The following TXNRD3 variants were observed in gnomAD, a reference collection of about 807,000 sequenced individuals.
TXNRD3 encodes the protein thioredoxin reductase 3, also known as TXNRD3 neighbor gene protein.
A neutral mutation model predicts 78.2 loss-of-function variants in TXNRD3; 68 were observed. The observed-to-expected ratio is 0.87, with a 90% confidence interval of 0.72 to 1.06. TXNRD3 has a LOEUF of 1.06. Among genes scored for constraint, TXNRD3 ranks in the 50% least tolerant of loss-of-function variants. The pLI is 0.00. For synonymous variants in TXNRD3, 296 were observed against 300.1 expected (o/e 0.99, Z 0.14); for missense variants, 751 against 809.5 (o/e 0.93, Z 0.88).
At chr3:126,631,597 C>T (rs1368470656) in intron 8 of TXNRD3, among the ~76,000 whole-genome samples, 167 bp downstream of exon 8, 1 of 151,098 alleles carries the variant, frequency 6.6e-6, no homozygotes, top group Non-Finnish European at 1.5e-5. Context: ...TTTACCTGAC[C>T]TTATATTCTC....
At chr3:126,608,671 G>A in intron 14 of TXNRD3, 38 bp from the exon 15 acceptor site, 3 of 1,522,850 alleles carry the variant, frequency 2.0e-6, no homozygotes, top group Non-Finnish European at 1.8e-6. Flanking sequence ...ATCCCAGTAG[G>A]TTAATGGTCT....
At chr3:126,635,313 C>T (rs538223919) in intron 6 of TXNRD3, among the ~76,000 whole-genome samples, 37 of 152,262 alleles carry the variant, frequency 2.4e-4, no homozygotes, top group Non-Finnish European at 3.8e-4. Flanking sequence ...TAATGGGAAT[C>T]ATGTGGACCT....
At chr3:126,644,454 T>C (rs963398313) in intron 3 of TXNRD3, 53 bp from the exon 4 acceptor site, 1 of 1,251,924 alleles carries the variant, frequency 8.0e-7, no homozygotes, top group Non-Finnish European at 1.1e-6. Flanking sequence ...GTTTTACAGC[T>C]ATTTATGTAC....
intron 12 of TXNRD3, among the ~76,000 whole-genome samples, chr3:126,620,337 G>A (rs1938421998): frequency 6.7e-6 from 1 of 150,124 alleles, no homozygotes; most frequent in South Asian, 2.1e-4. Context: ...ACACTCTTAA[G>A]GAACAACTGG....
At chr3:126,617,587 C>T (rs1938346302) in intron 12 of TXNRD3, among the ~76,000 whole-genome samples, 1 of 152,198 alleles carries the variant, frequency 6.6e-6, no homozygotes, top group Admixed American at 6.5e-5. Context: ...GCAAAAACAA[C>T]TGGAGAAATT....
intron 5 of TXNRD3, among the ~76,000 whole-genome samples, chr3:126,643,185 C>T (rs1332871327): frequency 6.6e-6 from 1 of 152,180 alleles, no homozygotes; most frequent in South Asian, 2.1e-4. Flanking sequence ...CCCCTTACCC[C>T]AAAGTGGCCA....
chr3:126,611,097 T>C lies in TXNRD3; in HGVS notation c.1668A>G (p.Thr556=). The change falls in exon 14 of 16, where the codon ACA becomes ACG. Residue 556 remains threonine (T), a synonymous_variant. Transcript: ENST00000524230. ...AAGTGTTGTTCTCTCTGCCAGCTACTGTCCATTCAAGAGGCCAGAACAAAG... is the reference window on the plus strand; with the variant it reads ...AAGTGTTGTTCTCTCTGCCAGCTACCGTCCATTCAAGAGGCCAGAACAAAG... 1 of 1,528,648 alleles carries C rather than the reference T, an allele frequency of 6.5e-7. No homozygotes were observed. The allele number at this position is 1,528,648 out of a possible 1,614,324, so 94.7% of individuals were successfully genotyped here.
At chr3:126,611,949 T>C (rs1187231436) in intron 13 of TXNRD3, among the ~76,000 whole-genome samples, 1 of 152,220 alleles carries the variant, frequency 6.6e-6, no homozygotes, top group Non-Finnish European at 1.5e-5. Context: ...GGTATCACAA[T>C]ATACAGTTAC....
At chr3:126,614,140 A>C (rs985664280) in intron 13 of TXNRD3, among the ~76,000 whole-genome samples, 1 of 152,238 alleles carries the variant, frequency 6.6e-6, no homozygotes, top group Non-Finnish European at 1.5e-5. Context: ...AAGGATATAA[A>C]GAAAGAAATT....
At chr3:126,637,983 G>A (rs1226787221) in intron 6 of TXNRD3, among the ~76,000 whole-genome samples, 1 of 107,216 alleles carries the variant, frequency 9.3e-6, no homozygotes, top group African/African-American at 3.6e-5. Flanking sequence ...TCTCACTGTC[G>A]CCCAGGCTGG....
chr3:126,617,650 G>C (rs12489665), intron 12 of TXNRD3, among the ~76,000 whole-genome samples: 2,041 of 152,308 alleles, frequency 0.013, 27 homozygotes, highest in South Asian at 0.027. Flanking sequence ...AAAAAAGTCA[G>C]AGTTAAGAAC....
At position 126,644,050 on chromosome 3, in the gene TXNRD3, C is replaced by T. The variant is rs1382386119; in HGVS notation, c.523G>A (p.Ala175Thr). 5.9e-6 allele frequency: 9 copies of T among 1,536,050 alleles called. No individual in the cohort carries two copies. The African/African-American group carries it at 6.8e-5, about 12-fold the overall frequency. The change falls in exon 5 of 16, where the codon GCT becomes ACT. Residue 175 changes from alanine to threonine, a missense_variant. By Grantham distance (58) the Ala-to-Thr change is moderately conservative (BLOSUM62 0). Coordinates refer to ENST00000524230, the MANE Select transcript of TXNRD3 (RefSeq NM_052883.3). ...ATAACTTTCTTTCCCAAAATGGCAG[C>T]TTCCTACAAACGAACAACAACAAAA...
intron 12 of TXNRD3, among the ~76,000 whole-genome samples, chr3:126,621,267 G>A (rs549490749): frequency 2.0e-5 from 3 of 152,236 alleles, no homozygotes; most frequent in Non-Finnish European, 4.4e-5. Context: ...TAAACAACCT[G>A]ACCATGTTTA....
At chr3:126,633,128 T>A (rs1455667324) in intron 7 of TXNRD3, among the ~76,000 whole-genome samples, 1 of 152,232 alleles carries the variant, frequency 6.6e-6, no homozygotes, top group African/African-American at 2.4e-5. Context: ...ATCCAAAATA[T>A]AGATTATATG....
chr3:126,644,226 T>C (rs1933170952), intron 4 of TXNRD3, 71 bp downstream of exon 4: 6 of 1,409,540 alleles, frequency 4.3e-6, no homozygotes. Context: ...TGTTTTTTTT[T>C]AAGTAGCAGA....
intron 13 of TXNRD3, among the ~76,000 whole-genome samples, chr3:126,613,917 C>A (rs565437639): frequency 6.6e-6 from 1 of 152,356 alleles, no homozygotes; most frequent in African/African-American, 2.4e-5. Flanking sequence ...CTGCCTCAGG[C>A]AGGTCCTTCA....
chr3:126,611,686 C>G (rs1236255209), intron 13 of TXNRD3, among the ~76,000 whole-genome samples: 1 of 152,110 alleles, frequency 6.6e-6, no homozygotes, highest in African/African-American at 2.4e-5. Flanking sequence ...CTTCTAAGAA[C>G]CAGAATAAAA....
At chr3:126,644,506 T>C in intron 3 of TXNRD3, 105 bp from the exon 4 acceptor site, 1 of 784,380 alleles carries the variant, frequency 1.3e-6, no homozygotes, top group Non-Finnish European at 1.9e-6. Context: ...ATAAAAATCT[T>C]AGGAAAAATC....
chr3:126,615,766 A>T (rs771684387), intron 12 of TXNRD3, among the ~76,000 whole-genome samples: 5 of 152,120 alleles, frequency 3.3e-5, no homozygotes, highest in African/African-American at 4.8e-5. Context: ...TCTGCCCCTA[A>T]AGACACTCTC....
Sources: gnomAD v4.1 joint callset for allele counts (sites outside exome capture counted in the v4.1 genomes callset) on GRCh38, gnomAD v4.1.1 for gene constraint, MANE v1.5 for transcripts, NCBI Gene and HGNC (gene_info 2026-07-23, HGNC 2026-07-21) for gene names.